TSHZ2: variants seen among roughly 807,000 people sequenced by gnomAD.
TSHZ2 encodes teashirt homolog 2.
TSHZ2 carries 21 observed loss-of-function variants against 74.4 expected under a neutral mutation model. That is an observed-to-expected ratio of 0.28 (90% confidence interval 0.20 to 0.41). The LOEUF is 0.41. Among genes scored for constraint, TSHZ2 ranks in the 10% least tolerant of loss-of-function variants. The pLI is 1.00. For synonymous variants in TSHZ2, 540 were observed against 515.3 expected, an observed-to-expected ratio of 1.05 and a Z score of -0.65; for missense variants, 1,244 against 1,293.5, an observed-to-expected ratio of 0.96 and a Z score of 0.59.
chr20:53,490,086 A>G lies in TSHZ2; in HGVS notation c.*2951A>G, dbSNP rs1235725194. 6.6e-6 allele frequency: 1 copy of G among 152,158 alleles called. No individual in the cohort carries two copies. Among genetic ancestry groups the G allele is most frequent in the Non-Finnish European group, 1.5e-5 (1 of 68,030 alleles). The allele number at this position is 152,158 out of a possible 1,614,324, so 9.4% of individuals were successfully genotyped here. A position where few individuals can be genotyped will look rare whatever the true frequency, so the allele number is the denominator to read the frequency against. ...TCCACCACCTCTTGGTACCAGTGAG[A>G]GCGAGAGATTGCCTTTTCTTCCCCA... is the stretch of plus-strand genomic sequence containing the variant. On this transcript the variant is annotated 3_prime_UTR_variant, in exon 3 of 3. Transcript: ENST00000371497.
intron 2 of TSHZ2, among the ~76,000 whole-genome samples, chr20:53,273,147 C>T (rs1990872657): frequency 1.3e-5 from 2 of 152,206 alleles, no homozygotes; most frequent in African/African-American, 4.8e-5. Context: ...CATGGGACAA[C>T]TCAGGGCTTT....
At chr20:53,231,184 G>C (rs1008669476) in intron 1 of TSHZ2, among the ~76,000 whole-genome samples, 5 of 152,116 alleles carry the variant, frequency 3.3e-5, no homozygotes, top group Non-Finnish European at 7.4e-5. Context: ...ATTTATGTTT[G>C]GCTAAAACAA....
intron 1 of TSHZ2, among the ~76,000 whole-genome samples, chr20:52,990,277 C>T (rs1981930711): frequency 6.6e-6 from 1 of 151,824 alleles, no homozygotes; most frequent in African/African-American, 2.4e-5. Flanking sequence ...AGATGTCTAC[C>T]CCTCTAATGA....
At chr20:53,171,824 TAAAC>T (rs1472705068) in intron 1 of TSHZ2, among the ~76,000 whole-genome samples, 3 of 152,170 alleles carry the variant, frequency 2.0e-5, no homozygotes, top group South Asian at 2.1e-4. Context: ...TGTTTTTTCT[TAAAC>T]AAAGGAAGAA....
intron 1 of TSHZ2, among the ~76,000 whole-genome samples, chr20:53,151,173 G>C (rs777212144): frequency 1.3e-5 from 2 of 152,184 alleles, no homozygotes; most frequent in African/African-American, 4.8e-5. Flanking sequence ...TCTGTGGTTA[G>C]AGTCATAAGA....
chr20:53,315,730 C>T (rs1185320632), intron 2 of TSHZ2, among the ~76,000 whole-genome samples: 2 of 152,172 alleles, frequency 1.3e-5, no homozygotes, highest in Non-Finnish European at 2.9e-5. Flanking sequence ...CATCACGGCG[C>T]TCTCATGGAG....
chr20:53,452,246 A>C (rs530663020), intron 2 of TSHZ2, among the ~76,000 whole-genome samples: 1 of 152,302 alleles, frequency 6.6e-6, no homozygotes, highest in Admixed American at 6.5e-5. Flanking sequence ...AGTTCAAGGG[A>C]GAATTTGAGC....
intron 2 of TSHZ2, among the ~76,000 whole-genome samples, chr20:53,319,837 C>G (rs1979178502): frequency 6.6e-6 from 1 of 152,222 alleles, no homozygotes; most frequent in Non-Finnish European, 1.5e-5. Flanking sequence ...GGCCATTATT[C>G]CTGTTAACAG....
intron 2 of TSHZ2, among the ~76,000 whole-genome samples, chr20:53,298,256 A>T (rs761577873): frequency 2.0e-5 from 3 of 152,242 alleles, no homozygotes; most frequent in Non-Finnish European, 4.4e-5. Flanking sequence ...TGGCCCTTAC[A>T]TTCTAGAGGA....
chr20:53,461,972 C>T (rs908485021), intron 2 of TSHZ2, among the ~76,000 whole-genome samples: 2 of 152,116 alleles, frequency 1.3e-5, no homozygotes, highest in Non-Finnish European at 2.9e-5. Flanking sequence ...TGGCTCATGC[C>T]TGTAATCCCA....
At chr20:53,213,566 CGAGAGACAGAGA>C (rs1420538609) in intron 1 of TSHZ2, among the ~76,000 whole-genome samples, 1 of 151,924 alleles carries the variant, frequency 6.6e-6, no homozygotes, top group Non-Finnish European at 1.5e-5. Flanking sequence ...CACACACACA[CGAGAGACAGAGA>C]GAGAGAAAGA....
intron 1 of TSHZ2, among the ~76,000 whole-genome samples, chr20:53,100,892 G>C (rs902291641): frequency 6.6e-6 from 1 of 152,114 alleles, no homozygotes; most frequent in African/African-American, 2.4e-5. Context: ...GGCACACCCA[G>C]CATTGACAAA....
intron 1 of TSHZ2, among the ~76,000 whole-genome samples, chr20:53,184,829 T>TC (rs1339101810): frequency 6.6e-6 from 1 of 152,164 alleles, no homozygotes; most frequent in Non-Finnish European, 1.5e-5. Flanking sequence ...ATGCCTCAGC[T>TC]CCTGAGTTGC....
chr20:53,437,734 G>A lies in TSHZ2; in HGVS notation c.*9-49410G>A, dbSNP rs143572983. 5.9e-5 allele frequency among the ~76,000 whole-genome samples: 9 copies of A among 152,312 alleles called. No homozygotes were observed. The East Asian group carries it at 1.4e-3, about 23-fold the overall frequency. ...AGTGGGAGGTGTTTGGGTTATGGGG[G>A]CAGATACCTCGTGAATGGCTCAGTG... On this transcript the variant is annotated intron_variant, in intron 2 of 2. Transcript: ENST00000371497.
At chr20:53,342,955 C>CT (rs1175907478) in intron 2 of TSHZ2, among the ~76,000 whole-genome samples, 2,616 of 61,058 alleles carry the variant, frequency 0.043, 435 homozygotes, top group African/African-American at 0.055. Flanking sequence ...CTTTTCTTTT[C>CT]TTTTTTTTTT....
chr20:53,144,136 C>T (rs986931030), intron 1 of TSHZ2, among the ~76,000 whole-genome samples: 3 of 152,130 alleles, frequency 2.0e-5, no homozygotes, highest in African/African-American at 7.2e-5. Flanking sequence ...ATACCTCAAG[C>T]ACTGATCTTA....
At chr20:53,334,780 T>C (rs779009441) in intron 2 of TSHZ2, among the ~76,000 whole-genome samples, 7 of 151,704 alleles carry the variant, frequency 4.6e-5, no homozygotes, top group Non-Finnish European at 1.0e-4. Context: ...GCCTCCTGGG[T>C]TCAAGCGATT....
At chr20:53,469,045 T>TTATA (rs143724013) in intron 2 of TSHZ2, among the ~76,000 whole-genome samples, 3,340 of 48,630 alleles carry the variant, frequency 0.069, 219 homozygotes, top group Middle Eastern at 0.12. Flanking sequence ...AATCGATATT[T>TTATA]TATATATATA....
chr20:52,996,789 C>T (rs1309823903), intron 1 of TSHZ2, among the ~76,000 whole-genome samples: 2 of 152,162 alleles, frequency 1.3e-5, no homozygotes, highest in African/African-American at 2.4e-5. Flanking sequence ...CTGCAACATG[C>T]ATGTGCTCGT....
Sources: gnomAD v4.1 joint callset for allele counts (sites outside exome capture counted in the v4.1 genomes callset) on GRCh38, gnomAD v4.1.1 for gene constraint, MANE v1.5 for transcripts, NCBI Gene and HGNC (gene_info 2026-07-23, HGNC 2026-07-21) for gene names.